The following THAP9 variants were observed in gnomAD, a reference collection of about 807,000 sequenced individuals.
THAP9 encodes THAP domain containing 9, also known as DNA transposase THAP9.
Under a neutral mutation model 35.7 loss-of-function variants are expected in THAP9, and 20 were observed. The observed-to-expected ratio is 0.56, with a 90% CI of 0.39 to 0.81. The LOEUF is 0.81. THAP9 is among the 40% of genes least tolerant of loss of function. The pLI, the probability that THAP9 is intolerant of heterozygous loss-of-function variation, is 0.00. For synonymous variants in THAP9, 335 were observed against 373.7 expected (o/e 0.90, Z 1.19); for missense variants, 870 against 1,047.4 (o/e 0.83, Z 2.34).
At chr4:82,902,626 A>G (rs749648441) in intron 1 of THAP9, among the ~76,000 whole-genome samples, 1 of 152,224 alleles carries the variant, frequency 6.6e-6, no homozygotes, top group African/African-American at 2.4e-5. Flanking sequence ...CAATCTGTGG[A>G]AAAGCTCCCT....
At chr4:82,913,334 T>C (rs1578453526) in intron 4 of THAP9, 1 of 152,162 alleles carries the variant, frequency 6.6e-6, no homozygotes, top group East Asian at 1.9e-4. Context: ...AAGTTGGTTG[T>C]TTTTTTAACC....
chr4:82,901,271 G>A, intron 1 of THAP9: 1 of 437,072 alleles, frequency 2.3e-6, no homozygotes, highest in East Asian at 6.4e-5. Context: ...CTCCTGTACT[G>A]CCTGACATTG....
At chr4:82,916,758 T>C (rs894372159) in intron 4 of THAP9, among the ~76,000 whole-genome samples, 186 bp from the exon 5 acceptor site, 1 of 152,254 alleles carries the variant, frequency 6.6e-6, no homozygotes, top group Non-Finnish European at 1.5e-5. Flanking sequence ...TTTGTGTTTC[T>C]AAGTTTATCT....
chr4:82,916,983 C>G lies in THAP9; in HGVS notation c.771C>G (p.Ser257Arg). 1 of 1,545,928 alleles carries G rather than the reference C, an allele frequency of 6.5e-7. No homozygotes were observed. The highest frequency in any genetic ancestry group is 8.7e-7 in the Non-Finnish European group (1 of 1,148,324). The change falls in exon 5 of 5, where the codon AGC (serine) becomes AGG (arginine). Residue 257 changes from serine (S) to arginine (R), a missense_variant. This residue lies in a region of THAP9 where 440 missense variants were observed against 501.2 expected (regional missense o/e 0.88). Transcript: ENST00000302236. Reference sequence around the variant, plus strand: ...GCCAACCCAGTCCAGGTTTCAACAGCAACATTTTTTCTTTTCTTCAACGAA... The same window carrying G: ...GCCAACCCAGTCCAGGTTTCAACAGGAACATTTTTTCTTTTCTTCAACGAA... Reference protein sequence around the residue: ...SKCQPSPGFNSNIFSFLQRRV... With the variant: ...SKCQPSPGFNRNIFSFLQRRV...
rs781489572 is a variant in THAP9, at chr4:82,918,082, G to A, written c.1870G>A (p.Val624Ile). The change falls in exon 5 of 5, where the codon GTA becomes ATA. Residue 624 changes from valine (V) to isoleucine (I), a missense_variant. Physicochemically the swap from Val to Ile is conservative, Grantham distance 29 (BLOSUM62 3). Transcript: ENST00000302236. The part of the protein sequence containing the change: ...LFLKMLRQVL[V>I]TSSSPTCMAF... The stretch of plus-strand genomic sequence containing the variant: ...TCTAAAGATGCTTAGGCAGGTATTA[G>A]TAACAAGTTCTAGCCCTACCTGCAT... 5 of 1,613,966 alleles carry A rather than the reference G, an allele frequency of 3.1e-6. No individual in the cohort carries two copies. The Middle Eastern group carries it at 4.9e-4, about 159-fold the overall frequency.
intron 3 of THAP9, 99 bp from the exon 4 acceptor site, chr4:82,907,686 T>A: frequency 7.9e-6 from 7 of 891,554 alleles, no homozygotes; most frequent in Non-Finnish European, 1.2e-5. Context: ...TATTTGTATT[T>A]GAATTCTGAT....
chr4:82,901,037 GGCACTGTGA>G lies in THAP9; in HGVS notation c.80+157_80+165del, dbSNP rs1720328088. The G allele has an allele frequency of 9.1e-6, 8 of 882,718 alleles. No individual in the cohort carries two copies. In the Admixed American group the frequency reaches 1.6e-4, roughly 18 times the overall value. 54.7% of individuals were successfully genotyped at this position (882,718 alleles called of 1,614,324 possible). A position where few individuals can be genotyped will look rare whatever the true frequency, so the allele number is the denominator to read the frequency against. On this transcript the variant is annotated intron_variant, in intron 1 of 4. Coordinates refer to ENST00000302236, the MANE Select transcript of THAP9 (RefSeq NM_024672.6). ...CGTCGGGGCGTGGGAGCGGAATTGG[GGCACTGTGA>G]GAATTGAGATTCTCTCTCTTCCCGC...
In THAP9 at chr4:82,917,325, T is replaced by TA. The variant is rs1721068562; in HGVS notation, c.1114dup (p.Thr372AsnfsTer3). 2.5e-6 allele frequency: 4 copies of TA among 1,613,682 alleles called. No homozygotes were observed. The highest frequency in any genetic ancestry group is 1.7e-5 in the Admixed American group (1 of 59,994). ...ACATAGGAATCACAGTTCTGGCTGT[T>TA]ACATCTGATGCCACAGCACATAGTG... On this transcript the variant is annotated frameshift_variant, in exon 5 of 5. Transcript: ENST00000302236. LOFTEE classifies it high-confidence loss of function.
At position 82,917,344 on chromosome 4, in the gene THAP9, CAT is replaced by C. The variant is rs1721069571; in HGVS notation, c.1134_1135del (p.His378GlnfsTer13). On this transcript the variant is annotated frameshift_variant, in exon 5 of 5. Transcript: ENST00000302236. LOFTEE classifies it high-confidence loss of function. ...GGCTGTTACATCTGATGCCACAGCACATAGTGTTCAGATGGCAAAAGCATTGG... is the reference window on the plus strand; with the variant it reads ...GGCTGTTACATCTGATGCCACAGCACAGTGTTCAGATGGCAAAAGCATTGG... ...VLAVTSDATA[H>X]SVQMAKALGI... The C allele has an allele frequency of 6.2e-7, 1 of 1,613,384 alleles. No homozygotes were observed. The highest frequency in any genetic ancestry group is 8.5e-7 in the Non-Finnish European group (1 of 1,179,456).
intron 4 of THAP9, among the ~76,000 whole-genome samples, chr4:82,909,555 T>C (rs1360269899): frequency 6.6e-6 from 1 of 152,178 alleles, no homozygotes; most frequent in African/African-American, 2.4e-5. Context: ...TTGAACTCTT[T>C]ATAGACAAGT....
chr4:82,916,947 G>T lies in THAP9; in HGVS notation c.735G>T (p.Trp245Cys). 6.6e-7 allele frequency: 1 copy of T among 1,517,206 alleles called. No individual in the cohort carries two copies. Among genetic ancestry groups the T allele is most frequent in the South Asian group, 1.4e-5 (1 of 72,422 alleles). The allele number at this position is 1,517,206 out of a possible 1,614,324, so 94.0% of individuals were successfully genotyped here. A position where few individuals can be genotyped will look rare whatever the true frequency, so the allele number is the denominator to read the frequency against. The change falls in exon 5 of 5, where the codon TGG becomes TGT. Residue 245 changes from tryptophan (W) to cysteine (C), a missense_variant. This residue lies in a region of THAP9 where 440 missense variants were observed against 501.2 expected (regional missense o/e 0.88). Coordinates refer to ENST00000302236, the MANE Select transcript of THAP9 (RefSeq NM_024672.6). Reference sequence around the variant, plus strand: ...TTTCACTTTTTATGTATTCTAGGTGGTTATCCAAATGCCAACCCAGTCCAG... The same window carrying T: ...TTTCACTTTTTATGTATTCTAGGTGTTTATCCAAATGCCAACCCAGTCCAG... ...KLPHSSILRT[W>C]LSKCQPSPGF... is the part of the protein sequence containing the mutation.
At chr4:82,908,011 C>G (rs747859393) in intron 4 of THAP9, 76 bp downstream of exon 4, 112 of 1,381,494 alleles carry the variant, frequency 8.1e-5, no homozygotes, top group Non-Finnish European at 1.1e-4. Flanking sequence ...GTTAATTACT[C>G]TTTAGATGTT....
chr4:82,905,754 GCCATGTGTTGAGAGCTACAATGGT>G (rs1326732469), intron 2 of THAP9: 2 of 399,066 alleles, frequency 5.0e-6, no homozygotes, highest in African/African-American at 4.2e-5. Context: ...AATAATGGCT[GCCATGTGTTGAGAGCTACAATGGT>G]CCAGGCATTG....
Position 82,917,094 on chromosome 4 carries a change from T to C in THAP9, c.882T>C (p.Pro294=). Residue 294 remains proline (P), a synonymous_variant, in exon 5 of 5, where the codon CCT becomes CCC. Transcript: ENST00000302236. Reference sequence around the variant, plus strand: ...TCAAGCAACAGCTTCAGTGGGATCCTAGCAGTCACAGTTTGCAGGGGTTTA... The same window carrying C: ...TCAAGCAACAGCTTCAGTGGGATCCCAGCAGTCACAGTTTGCAGGGGTTTA... ...MPLKQQLQWD[P]SSHSLQGFMD... 6.2e-7 allele frequency: 1 copy of C among 1,613,672 alleles called. No homozygotes were observed. The highest frequency in any genetic ancestry group is 8.5e-7 in the Non-Finnish European group (1 of 1,179,786).
In THAP9 at chr4:82,918,325, T is replaced by C; in HGVS notation, c.2113T>C (p.Leu705=). ...GTCTCATTGTTCACTAAGTGAGGCA[T>C]TACTAGACCTGTCAGATCATAGGCG... ...DWSHCSLSEA[L]LDLSDHRRNL... Residue 705 remains leucine, a synonymous_variant, in exon 5 of 5, where the codon TTA becomes CTA. Transcript: ENST00000302236. 2 of 1,614,206 alleles carry C rather than the reference T, an allele frequency of 1.2e-6. No homozygotes were observed. Among genetic ancestry groups the C allele is most frequent in the Non-Finnish European group, 1.7e-6 (2 of 1,180,016 alleles).
chr4:82,901,937 A>C (rs558548078), intron 1 of THAP9, among the ~76,000 whole-genome samples: 57 of 152,268 alleles, frequency 3.7e-4, no homozygotes, highest in African/African-American at 1.3e-3. Flanking sequence ...TGTAAGAGGA[A>C]TAAAAACCTG....
intron 4 of THAP9, among the ~76,000 whole-genome samples, chr4:82,914,994 G>C (rs1720990836): frequency 6.6e-6 from 1 of 152,266 alleles, no homozygotes; most frequent in African/African-American, 2.4e-5. Flanking sequence ...TGTATGTGGT[G>C]TAAGGGTCCA....
chr4:82,901,146 C>T (rs1258056081), intron 1 of THAP9: 3 of 673,972 alleles, frequency 4.5e-6, no homozygotes, highest in Admixed American at 2.0e-5. Context: ...AGGAGTCCTC[C>T]ATTAATTGGA....
intron 4 of THAP9, among the ~76,000 whole-genome samples, chr4:82,913,043 G>A (rs879555502): frequency 4.0e-5 from 6 of 151,788 alleles, no homozygotes; most frequent in African/African-American, 1.2e-4. Context: ...TATACTTTTT[G>A]TATTGTTTTT....
Sources: gnomAD v4.1 joint callset for allele counts (sites outside exome capture counted in the v4.1 genomes callset) on GRCh38, gnomAD v4.1.1 for gene constraint, gnomAD v4.1.1 regional missense constraint, MANE v1.5 for transcripts, NCBI Gene and HGNC (gene_info 2026-07-23, HGNC 2026-07-21) for gene names.